WDR27: variants seen among roughly 807,000 people sequenced by gnomAD.
WDR27 encodes the protein WD repeat-containing protein 27.
WDR27 carries 100 observed loss-of-function variants against 114.4 expected under a neutral mutation model. That is an observed-to-expected ratio of 0.87 (90% CI 0.74 to 1.03). WDR27 has a LOEUF of 1.03. Among genes scored for constraint, WDR27 ranks in the 50% least tolerant of loss-of-function variants. The pLI is 0.00. For synonymous variants in WDR27, 449 were observed against 423.1 expected (o/e 1.06, Z -0.75); for missense variants, 1,129 against 1,092.9 (o/e 1.03, Z -0.47).
chr6:169,613,023 A>C (rs1810950473), intron 22 of WDR27, among the ~76,000 whole-genome samples: 1 of 152,256 alleles, frequency 6.6e-6, no homozygotes, highest in African/African-American at 2.4e-5. Context: ...TGATAAAACT[A>C]AGGTGCTTTC....
rs138154806 is a variant in WDR27 at position 169,481,428 on chromosome 6, G to A, written c.2646-23794C>T. Among the ~76,000 whole-genome samples the A allele has an allele frequency of 1.9e-3, 286 of 152,326 alleles. 1 individual carries two copies. The highest frequency in any genetic ancestry group is 6.4e-3 in the African/African-American group (267 of 41,572). ...AAGAGAATAAAAGCAGGCTGCCCAA[G>A]CCAACAGCAGCAACCTGCTCGGGTT... is the stretch of plus-strand genomic sequence containing the variant. On this transcript the variant is annotated intron_variant, in intron 25 of 25. Transcript: ENST00000448612.
At chr6:169,672,172 C>T in intron 3 of WDR27, 83 bp downstream of exon 3, 1 of 1,429,850 alleles carries the variant, frequency 7.0e-7, no homozygotes, top group Non-Finnish European at 9.6e-7. Flanking sequence ...AAGGGAAACA[C>T]CCCTTGGGTG....
intron 25 of WDR27, among the ~76,000 whole-genome samples, chr6:169,470,936 A>G (rs1463495390): frequency 6.6e-6 from 1 of 152,112 alleles, no homozygotes; most frequent in Admixed American, 6.5e-5. Flanking sequence ...CTCTGAACTC[A>G]GACAAGGGCA....
chr6:169,531,687 T>C (rs909625681), intron 25 of WDR27, among the ~76,000 whole-genome samples: 1 of 151,362 alleles, frequency 6.6e-6, no homozygotes, highest in African/African-American at 2.4e-5. Context: ...GGAGTGTCAC[T>C]TTTTTGCCCA....
At chr6:169,521,314 G>A (rs912937334) in intron 25 of WDR27, among the ~76,000 whole-genome samples, 1 of 151,956 alleles carries the variant, frequency 6.6e-6, no homozygotes, top group Non-Finnish European at 1.5e-5. Context: ...CGAATATGAA[G>A]AAGAGACAAG....
At chr6:169,498,375 C>T (rs897252962) in intron 25 of WDR27, among the ~76,000 whole-genome samples, 8 of 152,088 alleles carry the variant, frequency 5.3e-5, no homozygotes, top group African/African-American at 1.9e-4. Flanking sequence ...GGTGGTGATA[C>T]ACTAACATGA....
intron 9 of WDR27, among the ~76,000 whole-genome samples, chr6:169,661,136 C>T (rs1048352930): frequency 6.6e-6 from 1 of 152,266 alleles, no homozygotes; most frequent in Non-Finnish European, 1.5e-5. Flanking sequence ...GTGCCACCAA[C>T]GCATTTGTGG....
intron 9 of WDR27, among the ~76,000 whole-genome samples, chr6:169,661,312 C>T (rs560532300): frequency 2.0e-5 from 3 of 152,356 alleles, no homozygotes; most frequent in East Asian, 1.9e-4. Context: ...AAGCTGCCCA[C>T]CTCTGTGAAT....
chr6:169,457,877 C>G (rs1055710815), intron 25 of WDR27, among the ~76,000 whole-genome samples: 45 of 151,582 alleles, frequency 3.0e-4, no homozygotes, highest in African/African-American at 4.8e-5. Flanking sequence ...GCCGATCCCT[C>G]TATGGTGCAC....
intron 23 of WDR27, among the ~76,000 whole-genome samples, chr6:169,594,861 G>GT: frequency 6.6e-6 from 1 of 152,270 alleles, no homozygotes; most frequent in African/African-American, 2.4e-5. Flanking sequence ...CAATCTGAAA[G>GT]TTTTTTTCTT....
chr6:169,601,936 A>C (rs1429702730), intron 23 of WDR27, among the ~76,000 whole-genome samples: 1 of 152,264 alleles, frequency 6.6e-6, no homozygotes, highest in Non-Finnish European at 1.5e-5. Flanking sequence ...AAACAAGAAA[A>C]TATAACGTGT....
chr6:169,427,073 G>T, the WDR27 span: 1 of 152,766 alleles, frequency 6.5e-6, no homozygotes, highest in African/African-American at 2.4e-5. Flanking sequence ...AGGTACAGCC[G>T]CCGGGAAGAG....
chr6:169,507,416 T>G (rs1389791675), intron 25 of WDR27, among the ~76,000 whole-genome samples: 3 of 152,150 alleles, frequency 2.0e-5, no homozygotes, highest in Non-Finnish European at 4.4e-5. Flanking sequence ...ATGTTCTCAG[T>G]GTAACTACCC....
At chr6:169,433,457 A>G in the WDR27 span, among the ~76,000 whole-genome samples, 2 of 152,302 alleles carry the variant, frequency 1.3e-5, no homozygotes, top group Admixed American at 6.5e-5. Flanking sequence ...TCCATGGTGT[A>G]TATGTGCCAC....
intron 22 of WDR27, among the ~76,000 whole-genome samples, chr6:169,613,296 G>C (rs1041853779): frequency 6.6e-6 from 1 of 152,156 alleles, no homozygotes; most frequent in Admixed American, 6.5e-5. Flanking sequence ...TGTGGTTTAG[G>C]AGATTCCAAA....
downstream of WDR27, among the ~76,000 whole-genome samples, chr6:169,455,853 CT>C (rs1456703517): frequency 6.6e-6 from 1 of 152,234 alleles, no homozygotes; most frequent in Non-Finnish European, 1.5e-5. Flanking sequence ...AAGTCTTCCC[CT>C]GATAGAGGTC....
At chr6:169,602,972 G>A (rs1808327728) in intron 22 of WDR27, among the ~76,000 whole-genome samples, 1 of 151,596 alleles carries the variant, frequency 6.6e-6, no homozygotes, top group African/African-American at 2.4e-5. Context: ...CTCCCAAGTA[G>A]CTGGGATTAC....
At chr6:169,442,340 A>T in the WDR27 span, among the ~76,000 whole-genome samples, 1 of 152,182 alleles carries the variant, frequency 6.6e-6, no homozygotes, top group African/African-American at 2.4e-5. Context: ...GAAACAATAA[A>T]CCATATTTAC....
intron 1 of WDR27, among the ~76,000 whole-genome samples, chr6:169,696,515 G>A (rs1324329640): frequency 6.6e-6 from 1 of 152,202 alleles, no homozygotes; most frequent in African/African-American, 2.4e-5. Context: ...AAACGGGTTT[G>A]GTGAAAGGTT....
Sources: gnomAD v4.1 joint callset for allele counts (sites outside exome capture counted in the v4.1 genomes callset) on GRCh38, gnomAD v4.1.1 for gene constraint, MANE v1.5 for transcripts, NCBI Gene and HGNC (gene_info 2026-07-23, HGNC 2026-07-21) for gene names.